TENM2: variants seen among roughly 807,000 people sequenced by gnomAD.
The protein encoded by TENM2 is teneurin transmembrane protein 2.
A neutral mutation model predicts 245.2 loss-of-function variants in TENM2; 52 were observed. The ratio of observed to expected loss-of-function variants is 0.21; its 90% CI spans 0.17 to 0.27. The LOEUF (loss-of-function observed/expected upper bound fraction) is 0.27, where lower values mean the gene tolerates loss of function less well. Among genes scored for constraint, TENM2 ranks in the 10% least tolerant of loss-of-function variants. The pLI is 1.00. For missense variants in TENM2, 3,046 were observed against 3,666.8 expected, an observed-to-expected ratio of 0.83 and a Z score of 4.37; for synonymous variants, 1,363 against 1,438.9, an observed-to-expected ratio of 0.95 and a Z score of 1.19.
chr5:167,446,143 G>A (rs1765192647), intron 2 of TENM2, among the ~76,000 whole-genome samples: 2 of 152,104 alleles, frequency 1.3e-5, no homozygotes, highest in Admixed American at 6.6e-5. Context: ...TTAAATAAAA[G>A]TGCTTTGAAC....
At chr5:167,907,547 A>ATG (rs1443896381) in intron 3 of TENM2, among the ~76,000 whole-genome samples, 1 of 91,222 alleles carries the variant, frequency 1.1e-5, no homozygotes. Context: ...ATATATATAT[A>ATG]TATATATATA....
chr5:167,701,803 A>G (rs1265131003), intron 2 of TENM2, among the ~76,000 whole-genome samples: 1 of 152,170 alleles, frequency 6.6e-6, no homozygotes, highest in Non-Finnish European at 1.5e-5. Context: ...GCATTGCTGT[A>G]TAAGTATTTT....
intron 5 of TENM2, among the ~76,000 whole-genome samples, chr5:168,045,181 G>A (rs1394357524): frequency 1.1e-4 from 17 of 151,998 alleles, no homozygotes; most frequent in Admixed American, 1.1e-3. Context: ...CTCACTCCTG[G>A]GAGTTGTCTG....
At chr5:167,850,750 A>C (rs1449402987) in intron 2 of TENM2, among the ~76,000 whole-genome samples, 1 of 152,082 alleles carries the variant, frequency 6.6e-6, no homozygotes, top group African/African-American at 2.4e-5. Context: ...TCTCCAAACC[A>C]CCTGGGCTGT....
At chr5:167,690,127 T>A (rs1387039730) in intron 2 of TENM2, among the ~76,000 whole-genome samples, 2 of 138,530 alleles carry the variant, frequency 1.4e-5, no homozygotes, top group Non-Finnish European at 3.1e-5. Context: ...TTTTTTTTTT[T>A]AGTAATTCAA....
At chr5:167,940,993 TC>T (rs1443571609) in intron 3 of TENM2, among the ~76,000 whole-genome samples, 11 of 152,220 alleles carry the variant, frequency 7.2e-5, no homozygotes, top group African/African-American at 2.7e-4. Context: ...GAGAGATGAC[TC>T]CCTCTCTACA....
At chr5:167,685,958 C>A (rs965309870) in intron 2 of TENM2, among the ~76,000 whole-genome samples, 8 of 152,222 alleles carry the variant, frequency 5.3e-5, no homozygotes, top group African/African-American at 1.9e-4. Flanking sequence ...TAGCACTACC[C>A]CTAGTGGTGG....
intron 2 of TENM2, among the ~76,000 whole-genome samples, chr5:167,621,354 G>A (rs1166682924): frequency 6.6e-6 from 1 of 152,132 alleles, no homozygotes; most frequent in African/African-American, 2.4e-5. Flanking sequence ...AGGGACATTT[G>A]AGCTGAAATC....
At chr5:167,765,639 C>T (rs1412989013) in intron 2 of TENM2, among the ~76,000 whole-genome samples, 6 of 152,230 alleles carry the variant, frequency 3.9e-5, no homozygotes, top group South Asian at 4.1e-4. Context: ...TTATCTGCCG[C>T]GGAGCTCGGT....
intron 23 of TENM2, among the ~76,000 whole-genome samples, chr5:168,222,379 T>A (rs190187879): frequency 6.6e-6 from 1 of 152,256 alleles, no homozygotes; most frequent in East Asian, 1.9e-4. Flanking sequence ...ATAAAGAGCC[T>A]CTTTAGTCAT....
chr5:167,401,265 T>C (rs1325384081), intron 2 of TENM2, among the ~76,000 whole-genome samples: 1 of 151,978 alleles, frequency 6.6e-6, no homozygotes, highest in African/African-American at 2.4e-5. Flanking sequence ...TATGTTGAAG[T>C]TTTCAACTTC....
chr5:168,024,518 C>T (rs1386576697), intron 5 of TENM2, among the ~76,000 whole-genome samples: 1 of 152,132 alleles, frequency 6.6e-6, no homozygotes, highest in Non-Finnish European at 1.5e-5. Flanking sequence ...AGGGATTTTG[C>T]CAGAATTCTA....
chr5:168,079,531 GT>G (rs1182132644), intron 7 of TENM2, among the ~76,000 whole-genome samples: 1 of 152,292 alleles, frequency 6.6e-6, no homozygotes, highest in African/African-American at 2.4e-5. Context: ...AATGCTTCCA[GT>G]TTTTGCCCAT....
intron 2 of TENM2, among the ~76,000 whole-genome samples, chr5:167,802,358 T>A (rs1765846704): frequency 6.6e-6 from 1 of 152,184 alleles, no homozygotes; most frequent in African/African-American, 2.4e-5. Context: ...ACATTTCTTC[T>A]ATGTGTTAAG....
intron 2 of TENM2, among the ~76,000 whole-genome samples, chr5:167,609,000 A>AG (rs1777256892): frequency 1.3e-5 from 2 of 151,980 alleles, no homozygotes; most frequent in Non-Finnish European, 2.9e-5. Flanking sequence ...ATGTAAAAAA[A>AG]TGAATGGAGT....
chr5:167,992,254 C>T (rs1783721062), intron 4 of TENM2, among the ~76,000 whole-genome samples: 2 of 150,894 alleles, frequency 1.3e-5, no homozygotes. Flanking sequence ...ACCTGTACCC[C>T]CAAAACTATT....
chr5:168,159,929 G>A (rs930710089), intron 12 of TENM2, among the ~76,000 whole-genome samples: 18 of 152,132 alleles, frequency 1.2e-4, no homozygotes, highest in Non-Finnish European at 2.4e-4. Context: ...TGACTGACAC[G>A]CTAGTGTTTT....
chr5:167,739,282 G>C (rs148111889), intron 2 of TENM2, among the ~76,000 whole-genome samples: 1 of 152,080 alleles, frequency 6.6e-6, no homozygotes, highest in East Asian at 1.9e-4. Flanking sequence ...AAAGGGAATC[G>C]GGCTCATGAA....
At position 168,190,391 on chromosome 5, in the gene TENM2, A is replaced by C; in HGVS notation, c.2624A>C (p.Asn875Thr). Residue 875 changes from asparagine to threonine, a missense_variant, in exon 14 of 29, where the codon AAC becomes ACC. By Grantham distance (65) the Asn-to-Thr change is moderately conservative (BLOSUM62 0). This residue lies in a region of TENM2 where 2,704 missense variants were observed against 3,331.9 expected (regional missense o/e 0.81). Coordinates refer to ENST00000518659, the Ensembl canonical transcript of TENM2. ...TGCTGCCTGCAGTCAGCCTGTCAGA[A>C]CAGCCTGCTCTGCCGGGGGTCCCGG... 6.2e-7 allele frequency: 1 copy of C among 1,613,942 alleles called. No individual in the cohort carries two copies. The highest frequency in any genetic ancestry group is 1.3e-5 in the African/African-American group (1 of 75,050).
Sources: gnomAD v4.1 joint callset for allele counts (sites outside exome capture counted in the v4.1 genomes callset) on GRCh38, gnomAD v4.1.1 for gene constraint, gnomAD v4.1.1 regional missense constraint, MANE v1.5 for transcripts, NCBI Gene and HGNC (gene_info 2026-07-23, HGNC 2026-07-21) for gene names.